GPC6: variants seen among roughly 807,000 people sequenced by gnomAD.
GPC6 encodes the protein glypican-6.
In GPC6, 14 loss-of-function variants were observed where a neutral mutation model predicts 55.2. The observed-to-expected ratio is 0.25, with a 90% CI of 0.17 to 0.40. The LOEUF is 0.40. GPC6 is among the 10% of genes least tolerant of loss of function. The pLI, the probability that GPC6 is intolerant of heterozygous loss-of-function variation, is 1.00. For missense variants in GPC6, 641 were observed against 708.5 expected (o/e 0.90, Z 1.08); for synonymous variants, 278 against 259.6 (o/e 1.07, Z -0.68).
At chr13:94,250,925 G>T (rs1802651351) in intron 4 of GPC6, among the ~76,000 whole-genome samples, 1 of 152,048 alleles carries the variant, frequency 6.6e-6, no homozygotes, top group Non-Finnish European at 1.5e-5. Flanking sequence ...ACATAGAAGG[G>T]ATTTTCGACA....
At chr13:93,516,877 G>A (rs1438082787) in intron 1 of GPC6, among the ~76,000 whole-genome samples, 2 of 152,064 alleles carry the variant, frequency 1.3e-5, no homozygotes, top group Non-Finnish European at 2.9e-5. Context: ...TTTTGCAGCA[G>A]TCTCTTTGAA....
chr13:94,189,239 C>A (rs1889303855), intron 4 of GPC6, among the ~76,000 whole-genome samples: 1 of 152,068 alleles, frequency 6.6e-6, no homozygotes, highest in Non-Finnish European at 1.5e-5. Context: ...TGAACAGATT[C>A]TTTCTCTCCT....
chr13:93,610,503 C>T (rs1878417210), intron 2 of GPC6, among the ~76,000 whole-genome samples: 2 of 152,052 alleles, frequency 1.3e-5, no homozygotes, highest in African/African-American at 4.8e-5. Flanking sequence ...AAACAATAAA[C>T]AAGGGAAGCG....
At chr13:93,419,311 T>C (rs1876837108) in intron 1 of GPC6, among the ~76,000 whole-genome samples, 1 of 151,844 alleles carries the variant, frequency 6.6e-6, no homozygotes, top group Non-Finnish European at 1.5e-5. Context: ...TAAATAACTT[T>C]GAGTGTGTGT....
At chr13:93,861,389 T>A (rs1888804902) in intron 3 of GPC6, among the ~76,000 whole-genome samples, 1 of 148,090 alleles carries the variant, frequency 6.8e-6, no homozygotes, top group East Asian at 2.0e-4. Flanking sequence ...AATCTTCAAG[T>A]ACCTGGAGTT....
chr13:93,304,695 T>A (rs570752726), intron 1 of GPC6, among the ~76,000 whole-genome samples: 1 of 152,220 alleles, frequency 6.6e-6, no homozygotes, highest in African/African-American at 2.4e-5. Context: ...TGGATCTGAG[T>A]TCAATTCCAA....
chr13:93,637,060 A>G (rs1879731599), intron 2 of GPC6, among the ~76,000 whole-genome samples: 1 of 152,010 alleles, frequency 6.6e-6, no homozygotes, highest in Admixed American at 6.6e-5. Flanking sequence ...GTAATGTTTG[A>G]AAATTCTTGA....
intron 1 of GPC6, among the ~76,000 whole-genome samples, chr13:93,375,549 G>C (rs757745164): frequency 6.6e-6 from 1 of 152,190 alleles, no homozygotes; most frequent in African/African-American, 2.4e-5. Flanking sequence ...AAATTCTCCA[G>C]TGTACTCCTG....
At chr13:93,344,324 C>A (rs1183624604) in intron 1 of GPC6, among the ~76,000 whole-genome samples, 2 of 152,210 alleles carry the variant, frequency 1.3e-5, no homozygotes, top group Non-Finnish European at 2.9e-5. Flanking sequence ...AGCATGGCTG[C>A]CTCCAGAGAA....
At chr13:93,499,091 TCACACA>T (rs61370011) in intron 1 of GPC6, among the ~76,000 whole-genome samples, 9 of 133,626 alleles carry the variant, frequency 6.7e-5, no homozygotes, top group South Asian at 2.4e-4. Flanking sequence ...TCCTTAATTG[TCACACA>T]CACACACACA....
chr13:94,147,586 T>C (rs1468068615), intron 4 of GPC6, among the ~76,000 whole-genome samples: 1 of 152,178 alleles, frequency 6.6e-6, no homozygotes. Context: ...GATTAACCAA[T>C]GCCTCTTCCT....
At chr13:94,026,086 T>C (rs1030193430) in intron 3 of GPC6, among the ~76,000 whole-genome samples, 1 of 152,176 alleles carries the variant, frequency 6.6e-6, no homozygotes, top group Non-Finnish European at 1.5e-5. Context: ...TCACCTATTC[T>C]GCATGTTTGA....
intron 4 of GPC6, among the ~76,000 whole-genome samples, chr13:94,099,100 G>A (rs1885762062): frequency 6.6e-6 from 1 of 151,960 alleles, no homozygotes; most frequent in African/African-American, 2.4e-5. Flanking sequence ...CTTATGATGA[G>A]GATAAATATT....
chr13:94,093,931 A>G (rs1396795921), intron 4 of GPC6, among the ~76,000 whole-genome samples: 1 of 152,120 alleles, frequency 6.6e-6, no homozygotes, highest in African/African-American at 2.4e-5. Flanking sequence ...AAAAAACACA[A>G]GAAAATTGGC....
intron 2 of GPC6, among the ~76,000 whole-genome samples, chr13:93,614,893 CT>C (rs920896562): frequency 1.5e-4 from 22 of 150,802 alleles, no homozygotes; most frequent in Admixed American, 6.6e-4. Flanking sequence ...TTGCTCATTG[CT>C]TTTTTTTTCC....
upstream of GPC6, chr13:93,226,624 ATTGT>A (rs1174566316): frequency 2.6e-5 from 4 of 152,276 alleles, no homozygotes; most frequent in African/African-American, 9.6e-5. Flanking sequence ...GTCTTTCTAG[ATTGT>A]TTATTGATGT....
chr13:93,397,643 C>T (rs1875909412), intron 1 of GPC6, among the ~76,000 whole-genome samples: 1 of 152,044 alleles, frequency 6.6e-6, no homozygotes, highest in African/African-American at 2.4e-5. Context: ...CTTTATGTGC[C>T]AGGTACTGTG....
At chr13:93,780,188 G>A (rs997341270) in intron 2 of GPC6, among the ~76,000 whole-genome samples, 6 of 151,600 alleles carry the variant, frequency 4.0e-5, no homozygotes, top group Admixed American at 1.3e-4. Flanking sequence ...ATTTTTTTCC[G>A]CAAACTGTGA....
At chr13:93,596,606 AATAAAT>A (rs1356762790) in intron 2 of GPC6, among the ~76,000 whole-genome samples, 16 of 54,818 alleles carry the variant, frequency 2.9e-4, no homozygotes, top group South Asian at 1.3e-3. Flanking sequence ...TAAATAAATA[AATAAAT>A]ATATATATAT....
Sources: gnomAD v4.1 joint callset for allele counts (sites outside exome capture counted in the v4.1 genomes callset) on GRCh38, gnomAD v4.1.1 for gene constraint, MANE v1.5 for transcripts, NCBI Gene and HGNC (gene_info 2026-07-23, HGNC 2026-07-21) for gene names.